SNTG1: variants seen among roughly 807,000 people sequenced by gnomAD.
SNTG1 encodes syntrophin gamma 1.
A neutral mutation model predicts 74.7 loss-of-function variants in SNTG1; 39 were observed. The ratio of observed to expected loss-of-function variants is 0.52; its 90% CI spans 0.40 to 0.68. The LOEUF is 0.68. Ranked by LOEUF, SNTG1 falls within the 30% of genes least tolerant of loss-of-function variation. The pLI is 0.00. For synonymous variants in SNTG1, 254 were observed against 217.1 expected, an observed-to-expected ratio of 1.17 and a Z score of -1.49; for missense variants, 685 against 609.5, an observed-to-expected ratio of 1.12 and a Z score of -1.30.
intron 1 of SNTG1, chr8:50,164,522 T>C (rs1031491263): frequency 1.3e-5 from 2 of 152,252 alleles, no homozygotes. Context: ...GTTAAGTAGA[T>C]AATTTTTAGT....
intron 17 of SNTG1, among the ~76,000 whole-genome samples, chr8:50,748,267 C>T (rs572527821): frequency 3.3e-5 from 5 of 151,890 alleles, no homozygotes; most frequent in African/African-American, 1.2e-4. Context: ...TTTATTGGAA[C>T]CTTTACCAAT....
chr8:50,322,685 G>T (rs1158503208), intron 2 of SNTG1, among the ~76,000 whole-genome samples: 1 of 151,704 alleles, frequency 6.6e-6, no homozygotes, highest in East Asian at 1.9e-4. Context: ...CCCTTTTGGG[G>T]TTATTTTCTA....
At chr8:50,495,080 G>C (rs868586170) in intron 8 of SNTG1, among the ~76,000 whole-genome samples, 1 of 151,952 alleles carries the variant, frequency 6.6e-6, no homozygotes, top group Non-Finnish European at 1.5e-5. Flanking sequence ...TTTAGGAATT[G>C]TGAAATTTTA....
At chr8:50,072,482 G>A (rs967608805) in intron 1 of SNTG1, among the ~76,000 whole-genome samples, 7 of 152,082 alleles carry the variant, frequency 4.6e-5, no homozygotes, top group African/African-American at 1.7e-4. Context: ...GAGCTCAGGC[G>A]TTTTAACCAG....
At chr8:49,988,866 G>A (rs1813418553) in intron 1 of SNTG1, among the ~76,000 whole-genome samples, 1 of 151,400 alleles carries the variant, frequency 6.6e-6, no homozygotes, top group East Asian at 1.9e-4. Context: ...TGAAAAAGCA[G>A]CAAAATAAAC....
At chr8:50,779,846 A>G (rs1228010490) in intron 18 of SNTG1, among the ~76,000 whole-genome samples, 2 of 152,144 alleles carry the variant, frequency 1.3e-5, no homozygotes, top group Non-Finnish European at 2.9e-5. Flanking sequence ...GGTTTGTCAC[A>G]GATAGCTCTT....
intron 17 of SNTG1, among the ~76,000 whole-genome samples, chr8:50,743,556 A>G (rs7846699): frequency 0.44 from 66,173 of 151,676 alleles, 16,817 homozygotes; most frequent in African/African-American, 0.71. Flanking sequence ...AAAGACTGAA[A>G]GTTTTCTCCT....
At chr8:50,688,730 G>C (rs1362208800) in intron 15 of SNTG1, among the ~76,000 whole-genome samples, 1 of 152,126 alleles carries the variant, frequency 6.6e-6, no homozygotes, top group Non-Finnish European at 1.5e-5. Context: ...GGATTGACTT[G>C]GCAATGCGGG....
Position 50,789,943 on chromosome 8 carries a change from T to G in SNTG1, c.1396-2728T>G, listed in dbSNP as rs118113943. On this transcript the variant is annotated intron_variant, in intron 18 of 18. Transcript: ENST00000642720. ...ATTCCATTCCACACAAAATAACCCT[T>G]GCTTTTCTTCTGACTCTCCTGGAAT... Among the ~76,000 whole-genome samples the G allele has an allele frequency of 1.1e-3, 170 of 152,118 alleles. 3 individuals are homozygous for G. The East Asian group carries it at 0.03, about 27-fold the overall frequency.
intron 4 of SNTG1, among the ~76,000 whole-genome samples, chr8:50,422,804 T>TACTA (rs2093110519): frequency 6.6e-6 from 1 of 152,206 alleles, no homozygotes; most frequent in South Asian, 2.1e-4. Flanking sequence ...CTAGCAGTTG[T>TACTA]GTATGTCTAC....
chr8:50,688,107 GT>G (rs1208323461), intron 15 of SNTG1, among the ~76,000 whole-genome samples: 1 of 152,010 alleles, frequency 6.6e-6, no homozygotes, highest in East Asian at 1.9e-4. Context: ...GGGGTTGTTT[GT>G]TTTTTTCTTG....
intron 15 of SNTG1, among the ~76,000 whole-genome samples, chr8:50,662,660 A>G (rs2095230339): frequency 6.6e-6 from 1 of 152,208 alleles, no homozygotes; most frequent in Non-Finnish European, 1.5e-5. Context: ...AATTTGGGAA[A>G]AAAGATGGGA....
intron 2 of SNTG1, among the ~76,000 whole-genome samples, chr8:50,192,502 A>T (rs2083613432): frequency 1.3e-5 from 2 of 151,434 alleles, no homozygotes; most frequent in African/African-American, 4.9e-5. Context: ...TTTTGATGGG[A>T]TTGTTTGTTT....
At chr8:50,079,053 T>A (rs1210224412) in intron 1 of SNTG1, among the ~76,000 whole-genome samples, 2 of 152,228 alleles carry the variant, frequency 1.3e-5, no homozygotes, top group Non-Finnish European at 2.9e-5. Context: ...GATTGATTTA[T>A]AATCCTTTGG....
Position 50,660,131 on chromosome 8 carries a change from C to T in SNTG1, c.1038+1468C>T, listed in dbSNP as rs574179008. Among the ~76,000 whole-genome samples, 21 of 151,244 alleles carry T rather than the reference C, an allele frequency of 1.4e-4. 1 individual carries two copies. The South Asian group carries it at 3.3e-3, about 24-fold the overall frequency. ...TTAGGATTACAGGCATGAGCCACCG[C>T]GCCAGGGCGAACTGTGTATTTTTAG... is the stretch of plus-strand genomic sequence containing the variant. On this transcript the variant is annotated intron_variant, in intron 15 of 18. Transcript: ENST00000642720.
intron 18 of SNTG1, among the ~76,000 whole-genome samples, chr8:50,780,670 A>AC (rs2095656506): frequency 6.6e-6 from 1 of 152,076 alleles, no homozygotes; most frequent in Admixed American, 6.6e-5. Context: ...GGATTCTTTA[A>AC]TTTTTTGAAG....
chr8:50,366,469 C>CT (rs757163160), intron 2 of SNTG1, among the ~76,000 whole-genome samples: 14 of 151,980 alleles, frequency 9.2e-5, no homozygotes, highest in Non-Finnish European at 1.2e-4. Context: ...TAACAAGCCC[C>CT]TTTCAACCAT....
chr8:50,589,843 G>T (rs1435955907), intron 12 of SNTG1, among the ~76,000 whole-genome samples: 1 of 152,152 alleles, frequency 6.6e-6, no homozygotes, highest in Non-Finnish European at 1.5e-5. Flanking sequence ...TAGGTTCAGA[G>T]ATTCCTTAGC....
chr8:50,278,350 T>C (rs192293669), intron 2 of SNTG1, among the ~76,000 whole-genome samples: 1 of 152,322 alleles, frequency 6.6e-6, no homozygotes, highest in East Asian at 1.9e-4. Context: ...ACTGCAGAGA[T>C]TGTTTTCAAC....
Sources: allele counts gnomAD v4.1 joint callset (sites outside exome capture counted in the v4.1 genomes callset), GRCh38; gene constraint gnomAD v4.1.1; transcripts MANE v1.5; gene names NCBI Gene and HGNC (gene_info 2026-07-23, HGNC 2026-07-21).